The following RELB variants were observed in gnomAD, a reference collection of about 807,000 sequenced individuals.
RELB encodes the protein transcription factor RelB.
Under a neutral mutation model 55.4 loss-of-function variants are expected in RELB, and 14 were observed. That is an observed-to-expected ratio of 0.25 (90% confidence interval 0.17 to 0.40). The LOEUF (loss-of-function observed/expected upper bound fraction) is 0.40. Among genes scored for constraint, RELB ranks in the 10% least tolerant of loss-of-function variants. The pLI is 1.00. For missense variants in RELB, 669 were observed against 830.7 expected (o/e 0.81, Z 2.39); for synonymous variants, 409 against 371.3 (o/e 1.10, Z -1.17).
Position 45,034,326 on chromosome 19 carries a change from GC to G in RELB, c.1276+18del. 2.5e-6 allele frequency: 4 copies of G among 1,612,938 alleles called. No individual in the cohort carries two copies. The highest frequency in any genetic ancestry group is 3.4e-6 in the Non-Finnish European group (4 of 1,178,946). On this transcript the variant is annotated intron_variant, in intron 10 of 11. Coordinates refer to ENST00000221452, the MANE Select transcript of RELB (RefSeq NM_006509.4). ...TGAACAGCTCTGGTGTGTGCCCTCTGCCCCTTTCCACCCCCATCCCCAGGTT... is the reference window on the plus strand; with the variant it reads ...TGAACAGCTCTGGTGTGTGCCCTCTGCCCTTTCCACCCCCATCCCCAGGTT...
intron 5 of RELB, among the ~76,000 whole-genome samples, chr19:45,024,442 G>A (rs1023728986): frequency 6.6e-6 from 1 of 152,130 alleles, no homozygotes; most frequent in East Asian, 1.9e-4. Context: ...GATTACAGGC[G>A]TGAGCCACCA....
chr19:45,001,516 C>T lies in RELB; in HGVS notation c.-64C>T. The T allele has an allele frequency of 1.1e-6, 1 of 924,866 alleles. No individual in the cohort carries two copies. The highest frequency in any genetic ancestry group is 1.4e-6 in the Non-Finnish European group (1 of 690,570). The allele number at this position is 924,866 out of a possible 1,614,324, so 57.3% of individuals were successfully genotyped here. ...CGGCCTGCGGCCCCAGCCCTTGCGCCGCTCGTCCGACCCGCGATCGTCCAC... is the reference window on the plus strand; with the variant it reads ...CGGCCTGCGGCCCCAGCCCTTGCGCTGCTCGTCCGACCCGCGATCGTCCAC... On this transcript the variant is annotated 5_prime_UTR_variant, in exon 1 of 12. Transcript: ENST00000221452.
chr19:45,025,771 C>T (rs201859520), intron 7 of RELB, 34 bp downstream of exon 7: 1 of 1,613,146 alleles, frequency 6.2e-7, no homozygotes, highest in East Asian at 2.2e-5. Context: ...TTAGGATTGC[C>T]CTTGGCTGCA....
chr19:45,031,597 G>A (rs773579641), intron 8 of RELB, among the ~76,000 whole-genome samples: 2 of 151,894 alleles, frequency 1.3e-5, no homozygotes, highest in Non-Finnish European at 2.9e-5. Flanking sequence ...TTTGTTTGAG[G>A]CGGAGTCTTG....
intron 2 of RELB, among the ~76,000 whole-genome samples, chr19:45,005,749 G>A (rs567915333): frequency 1.4e-3 from 210 of 152,286 alleles, no homozygotes; most frequent in Non-Finnish European, 2.6e-3. Flanking sequence ...GATTATAGGC[G>A]TGTGCCACCA....
At chr19:45,034,200 ATTGATGAAT>A (rs1489245077) in intron 9 of RELB, 35 bp from the exon 10 acceptor site, 1 of 1,330,322 alleles carries the variant, frequency 7.5e-7, no homozygotes, top group South Asian at 1.2e-5. Flanking sequence ...ATTAATTATT[ATTGATGAAT>A]TACTTCTTGT....
intron 11 of RELB, among the ~76,000 whole-genome samples, chr19:45,036,388 T>C (rs1857292669): frequency 6.6e-6 from 1 of 152,120 alleles, no homozygotes; most frequent in African/African-American, 2.4e-5. Context: ...ATCCCTCTTA[T>C]AATGAAACTT....
At chr19:45,020,116 G>A (rs1018433684) in intron 4 of RELB, among the ~76,000 whole-genome samples, 14 of 151,712 alleles carry the variant, frequency 9.2e-5, no homozygotes, top group African/African-American at 3.4e-4. Context: ...TAAGATTAAA[G>A]CTCTGAATTT....
At chr19:45,021,137 C>T (rs756200430) in intron 4 of RELB, among the ~76,000 whole-genome samples, 38 of 151,696 alleles carry the variant, frequency 2.5e-4, no homozygotes, top group Non-Finnish European at 4.3e-4. Flanking sequence ...TCTCCCGCCA[C>T]CGCACTCTAG....
rs376331542 is a variant in RELB at position 45,012,134 on chromosome 19, C to A, written c.362C>A (p.Pro121Gln). The A allele has an allele frequency of 7.1e-6, 11 of 1,555,988 alleles. No homozygotes were observed. Among genetic ancestry groups the A allele is most frequent in the African/African-American group, 5.7e-5 (4 of 69,768 alleles). The change falls in exon 4 of 12, where the codon CCG (proline) becomes CAG (glutamine). Residue 121 changes from proline to glutamine, a missense_variant. Around this residue, in one of 3 missense-constraint regions of RELB, gnomAD observed 323 missense variants for 368.5 expected, o/e 0.88. Transcript: ENST00000221452. ...LGRLVSPAPG[P>Q]GPQPHLVITE... Reference sequence around the variant, plus strand: ...CGACTAGTGTCCCCAGCGCCGGGCCCGGGCCCGCAGCCGCACCTGGTCATC... The same window carrying A: ...CGACTAGTGTCCCCAGCGCCGGGCCAGGGCCCGCAGCCGCACCTGGTCATC...
intron 7 of RELB, among the ~76,000 whole-genome samples, chr19:45,026,071 C>T (rs1971555165): frequency 6.6e-6 from 1 of 152,310 alleles, no homozygotes; most frequent in Middle Eastern, 3.4e-3. Flanking sequence ...TGCCAAAACC[C>T]TGTCTACTAA....
At chr19:45,024,946 G>A (rs1045280371) in intron 5 of RELB, among the ~76,000 whole-genome samples, 1 of 151,754 alleles carries the variant, frequency 6.6e-6, no homozygotes, top group Non-Finnish European at 1.5e-5. Context: ...TGCAACCTCT[G>A]CCTCCCGGGT....
chr19:45,015,830 C>T (rs796898870), intron 4 of RELB, among the ~76,000 whole-genome samples: 1 of 151,638 alleles, frequency 6.6e-6, no homozygotes, highest in South Asian at 2.1e-4. Flanking sequence ...GCCCTGGAGT[C>T]TGCATGAGTC....
At chr19:45,031,824 C>T (rs1343588815) in intron 8 of RELB, among the ~76,000 whole-genome samples, 2 of 151,520 alleles carry the variant, frequency 1.3e-5, no homozygotes, top group African/African-American at 4.8e-5. Flanking sequence ...GATCCGCCTG[C>T]CTCGGCCTCC....
Position 45,009,838 on chromosome 19 carries a change from C to T in RELB, c.163+16C>T. 1 of 1,597,262 alleles carries T rather than the reference C, an allele frequency of 6.3e-7. No individual in the cohort carries two copies. Among genetic ancestry groups the T allele is most frequent in the South Asian group, 1.1e-5 (1 of 90,928 alleles). ...GATGAATTGGGTGAGTATCACAGGG[C>T]AGGTTTGCGGGGAGGCTGAGGGACC... On this transcript the variant is annotated intron_variant, in intron 3 of 11. Transcript: ENST00000221452.
rs775738995 is a variant in RELB at position 45,012,086 on chromosome 19, C to T, written c.314C>T (p.Pro105Leu). 18 of 1,549,300 alleles carry T rather than the reference C, an allele frequency of 1.2e-5. No homozygotes were observed. The highest frequency in any genetic ancestry group is 1.6e-5 in the Non-Finnish European group (18 of 1,153,480). ...CCTGTGGCGCCCCCAGCCACGCCGC[C>T]GCCTTGGGGCTGCCCCCTGGGCCGA... ...LGPVAPPATP[P>L]PWGCPLGRLV... Residue 105 changes from proline to leucine, a missense_variant, in exon 4 of 12, where the codon CCG becomes CTG. Pro to Leu is a moderately conservative substitution (Grantham distance 98). Around this residue, in one of 3 missense-constraint regions of RELB, gnomAD observed 323 missense variants for 368.5 expected, o/e 0.88. Transcript: ENST00000221452.
intron 7 of RELB, among the ~76,000 whole-genome samples, chr19:45,026,485 A>G (rs561017367): frequency 6.6e-6 from 1 of 152,174 alleles, no homozygotes; most frequent in African/African-American, 2.4e-5. Flanking sequence ...CGGAGGTTGC[A>G]GTGAGCTGAG....
Position 45,033,912 on chromosome 19 carries a change from C to T in RELB, c.1208-332C>T, listed in dbSNP as rs185459794. 9.3e-3 allele frequency among the ~76,000 whole-genome samples: 1,411 copies of T among 151,178 alleles called. 18 individuals are homozygous for T. The highest frequency in any genetic ancestry group is 0.033 in the African/African-American group (1,351 of 41,236). On this transcript the variant is annotated intron_variant, in intron 9 of 11. Coordinates refer to ENST00000221452, the MANE Select transcript of RELB (RefSeq NM_006509.4). The stretch of plus-strand genomic sequence containing the variant: ...GCTCACACCTGTAATCCCAACACTT[C>T]GGGAGGCCAAGGCAGGCAGATCACT...
chr19:45,034,919 C>A (rs1971669639), intron 11 of RELB, among the ~76,000 whole-genome samples: 1 of 151,608 alleles, frequency 6.6e-6, no homozygotes, highest in Admixed American at 6.6e-5. Flanking sequence ...CAGCTCACTG[C>A]AACTTCTGCC....
Sources: gnomAD v4.1 joint callset for allele counts (sites outside exome capture counted in the v4.1 genomes callset) on GRCh38, gnomAD v4.1.1 for gene constraint, gnomAD v4.1.1 regional missense constraint, MANE v1.5 for transcripts, NCBI Gene and HGNC (gene_info 2026-07-23, HGNC 2026-07-21) for gene names.